The following ZBTB7C variants were observed in gnomAD, a reference collection of about 807,000 sequenced individuals.
ZBTB7C encodes the protein zinc finger and BTB domain containing 7C, also known as zinc finger and BTB domain-containing protein 7C.
Under a neutral mutation model 25.7 loss-of-function variants are expected in ZBTB7C, and 8 were observed. The observed-to-expected ratio is 0.31, with a 90% CI of 0.18 to 0.56. ZBTB7C has a LOEUF of 0.56. ZBTB7C is among the 20% of genes least tolerant of loss of function. ZBTB7C has a pLI of 0.91. For synonymous variants in ZBTB7C, 394 were observed against 369.0 expected, an observed-to-expected ratio of 1.07 and a Z score of -0.78; for missense variants, 824 against 855.2, an observed-to-expected ratio of 0.96 and a Z score of 0.46.
intron 3 of ZBTB7C, chr18:48,083,972 G>T (rs544034912): frequency 1.3e-5 from 11 of 819,364 alleles, no homozygotes; most frequent in Middle Eastern, 1.3e-3. Context: ...CTCCAGGGTC[G>T]TCGCAGGGAC....
In ZBTB7C at chr18:48,029,679, G is replaced by T; in HGVS notation, c.1441C>A (p.Arg481Ser). The change falls in exon 5 of 5, where the codon CGC (arginine) becomes AGC (serine). Residue 481 changes from arginine to serine, a missense_variant. Physicochemically the swap from Arg to Ser is moderately radical, Grantham distance 110. Transcript: ENST00000590800. ...SCRMARPRRG[R>S]KPAAWRAASL... ...GCGGCCCTCCACGCAGCAGGCTTGCGGCCGCGTCGGGGCCGTGCCATGCGG... is the reference window on the plus strand; with the variant it reads ...GCGGCCCTCCACGCAGCAGGCTTGCTGCCGCGTCGGGGCCGTGCCATGCGG... The T allele has an allele frequency of 6.3e-7, 1 of 1,576,872 alleles. No individual in the cohort carries two copies. The highest frequency in any genetic ancestry group is 8.6e-7 in the Non-Finnish European group (1 of 1,168,432).
intron 1 of ZBTB7C, among the ~76,000 whole-genome samples, chr18:48,359,386 A>G (rs2145090173): frequency 6.6e-6 from 1 of 152,358 alleles, no homozygotes; most frequent in African/African-American, 2.4e-5. Flanking sequence ...GACAGGGAAC[A>G]CTATTATAAT....
intron 2 of ZBTB7C, among the ~76,000 whole-genome samples, chr18:48,313,713 A>G (rs894273403): frequency 2.0e-5 from 3 of 152,160 alleles, no homozygotes; most frequent in Non-Finnish European, 4.4e-5. Flanking sequence ...GAAGCCACAG[A>G]ATACAGATGT....
At position 48,029,447 on chromosome 18, in the gene ZBTB7C, A is replaced by G. The variant is rs750499728; in HGVS notation, c.1673T>C (p.Leu558Pro). 5 of 1,596,734 alleles carry G rather than the reference A, an allele frequency of 3.1e-6. No homozygotes were observed. In the East Asian group the frequency reaches 9.1e-5, roughly 29 times the overall value. ...ERQFEETQMK[L>P]FGRAQLEAER... ...AGCCTCCAGCTGCGCGCGCCCGAAC[A>G]GCTTCATCTGTGTCTCCTCGAACTG... The change falls in exon 5 of 5, where the codon CTG (leucine) becomes CCG (proline). Residue 558 changes from leucine (L) to proline (P), a missense_variant. Leu to Pro is a moderately conservative substitution (Grantham distance 98). This residue lies in a region of ZBTB7C where 342 missense variants were observed against 307.0 expected (regional missense o/e 1.11). Transcript: ENST00000590800.
chr18:48,079,581 C>T (rs1239238477), intron 3 of ZBTB7C, among the ~76,000 whole-genome samples: 6 of 152,214 alleles, frequency 3.9e-5, no homozygotes, highest in African/African-American at 1.4e-4. Flanking sequence ...TCAGCACCTC[C>T]TCGCCAAAGC....
intron 3 of ZBTB7C, among the ~76,000 whole-genome samples, chr18:48,123,875 T>C (rs779597158): frequency 2.0e-5 from 3 of 152,214 alleles, no homozygotes; most frequent in Non-Finnish European, 4.4e-5. Context: ...TACGATTTTT[T>C]TTTGTTAATG....
At chr18:48,210,230 T>C (rs2042671509) in intron 2 of ZBTB7C, among the ~76,000 whole-genome samples, 1 of 152,188 alleles carries the variant, frequency 6.6e-6, no homozygotes, top group African/African-American at 2.4e-5. Flanking sequence ...GAATGTAAAA[T>C]GGCACAACCA....
chr18:48,028,945 C>T lies in ZBTB7C; in HGVS notation c.*315G>A, dbSNP rs1055895203. 5.6e-6 allele frequency: 2 copies of T among 358,158 alleles called. No homozygotes were observed. Among genetic ancestry groups the T allele is most frequent in the Non-Finnish European group, 1.0e-5 (2 of 200,474 alleles). 22.2% of individuals were successfully genotyped at this position (358,158 alleles called of 1,614,324 possible). ...CACCCCCTGACCCCTCATGACTCAC[C>T]CAGCTCCTAAGTGCCCCTGGGCACC... On this transcript the variant is annotated 3_prime_UTR_variant, in exon 5 of 5. Coordinates refer to ENST00000590800, the MANE Select transcript of ZBTB7C (RefSeq NM_001318841.2).
chr18:48,229,887 C>T (rs1000496319), intron 2 of ZBTB7C, among the ~76,000 whole-genome samples: 1 of 151,980 alleles, frequency 6.6e-6, no homozygotes, highest in African/African-American at 2.4e-5. Flanking sequence ...TTGGCCTCCA[C>T]GTGGTGGGGA....
At chr18:48,225,235 G>A (rs1293050517) in intron 2 of ZBTB7C, among the ~76,000 whole-genome samples, 4 of 152,002 alleles carry the variant, frequency 2.6e-5, no homozygotes, top group Non-Finnish European at 4.4e-5. Flanking sequence ...TGGAGTTTTA[G>A]AAATGGGAGG....
intron 1 of ZBTB7C, among the ~76,000 whole-genome samples, chr18:48,383,113 T>C (rs1310368410): frequency 6.6e-6 from 1 of 152,114 alleles, no homozygotes; most frequent in African/African-American, 2.4e-5. Flanking sequence ...CAGAAGACCA[T>C]GAGTCCAATT....
intron 2 of ZBTB7C, among the ~76,000 whole-genome samples, chr18:48,290,362 C>A (rs2045185597): frequency 6.6e-6 from 1 of 152,246 alleles, no homozygotes; most frequent in Non-Finnish European, 1.5e-5. Context: ...CCTTTCAGGG[C>A]CGCCAAAGCT....
chr18:48,197,882 G>T (rs962685737), intron 2 of ZBTB7C, among the ~76,000 whole-genome samples: 1 of 152,156 alleles, frequency 6.6e-6, no homozygotes, highest in Non-Finnish European at 1.5e-5. Flanking sequence ...CACATTTCTA[G>T]ATTTCCTACT....
chr18:48,090,721 TG>T (rs766261414), intron 3 of ZBTB7C, among the ~76,000 whole-genome samples: 6 of 148,416 alleles, frequency 4.0e-5, no homozygotes, highest in Non-Finnish European at 8.8e-5. Flanking sequence ...GGCTGCAGGA[TG>T]GGATCCTGCT....
At chr18:48,056,983 C>G (rs890416445) in intron 3 of ZBTB7C, among the ~76,000 whole-genome samples, 1 of 138,920 alleles carries the variant, frequency 7.2e-6, no homozygotes, top group Non-Finnish European at 1.5e-5. Context: ...GGCTAATTTC[C>G]TTTATATAGA....
At chr18:48,344,009 G>A (rs2046666596) in intron 1 of ZBTB7C, among the ~76,000 whole-genome samples, 1 of 152,134 alleles carries the variant, frequency 6.6e-6, no homozygotes, top group Non-Finnish European at 1.5e-5. Context: ...TTTTGAGATG[G>A]AGTCTGGCTC....
At chr18:48,373,357 C>G (rs988726645) in intron 1 of ZBTB7C, among the ~76,000 whole-genome samples, 1 of 152,092 alleles carries the variant, frequency 6.6e-6, no homozygotes, top group Non-Finnish European at 1.5e-5. Context: ...CCTGATGCTT[C>G]CCTAGAAGCT....
At chr18:48,202,746 G>A (rs2042484959) in intron 2 of ZBTB7C, among the ~76,000 whole-genome samples, 1 of 151,936 alleles carries the variant, frequency 6.6e-6, no homozygotes, top group African/African-American at 2.4e-5. Flanking sequence ...CACTGGCACA[G>A]CCTGAACAGA....
chr18:48,392,272 C>T (rs1002594126), intron 1 of ZBTB7C, among the ~76,000 whole-genome samples: 1 of 152,166 alleles, frequency 6.6e-6, no homozygotes, highest in African/African-American at 2.4e-5. Flanking sequence ...ATTTCTTCAC[C>T]AACTTTTTTT....
Sources: gnomAD v4.1 joint callset for allele counts (sites outside exome capture counted in the v4.1 genomes callset) on GRCh38, gnomAD v4.1.1 for gene constraint, gnomAD v4.1.1 regional missense constraint, MANE v1.5 for transcripts, NCBI Gene and HGNC (gene_info 2026-07-23, HGNC 2026-07-21) for gene names.